The following NEBL variants were observed in gnomAD, a reference collection of about 807,000 sequenced individuals.
NEBL encodes nebulette.
A neutral mutation model predicts 140.2 loss-of-function variants in NEBL; 122 were observed. The ratio of observed to expected loss-of-function variants is 0.87; its 90% CI spans 0.75 to 1.01. The LOEUF is 1.01. NEBL is among the 50% of genes least tolerant of loss of function. The pLI, the probability that NEBL is intolerant of heterozygous loss-of-function variation, is 0.00. For missense variants in NEBL, 1,365 were observed against 1,231.3 expected (o/e 1.11, Z -1.62); for synonymous variants, 436 against 398.9 (o/e 1.09, Z -1.11).
chr10:21,137,530 A>G (rs1839409408), intron 2 of NEBL, among the ~76,000 whole-genome samples: 1 of 152,208 alleles, frequency 6.6e-6, no homozygotes, highest in South Asian at 2.1e-4. Context: ...CACTACGGCT[A>G]CTGCTGCCCC....
intron 7 of NEBL, among the ~76,000 whole-genome samples, chr10:20,864,590 C>T (rs1030550419): frequency 2.6e-5 from 4 of 152,124 alleles, no homozygotes; most frequent in African/African-American, 9.7e-5. Context: ...CTTGTCATTG[C>T]CTTCTCTGTT....
rs1032059829 is a variant in NEBL at position 20,888,212 on chromosome 10, G to GA, written c.259-6_259-5insT. On this transcript the variant is annotated splice_polypyrimidine_tract_variant and splice_region_variant and intron_variant, in intron 3 of 27. Coordinates refer to ENST00000377122, the MANE Select transcript of NEBL (RefSeq NM_006393.3). ...AATGGTGCCTTTGTATTTTGCCTGG[G>GA]GGAAAAAAAAACAGGAAAAAAATAA... 4.0e-6 allele frequency: 6 copies of GA among 1,518,556 alleles called. No individual in the cohort carries two copies. In the African/African-American group the frequency reaches 1.1e-4, roughly 27 times the overall value. 94.1% of individuals were successfully genotyped at this position (1,518,556 alleles called of 1,614,324 possible).
intron 10 of NEBL, 73 bp from the exon 11 acceptor site, chr10:20,850,575 A>G (rs1206052722): frequency 1.0e-6 from 1 of 989,976 alleles, no homozygotes; most frequent in Admixed American, 1.8e-5. Context: ...GAAAAAATAT[A>G]TGTTCTAAAC....
chr10:20,913,225 A>G (rs934728119), intron 4 of NEBL, among the ~76,000 whole-genome samples: 5 of 152,184 alleles, frequency 3.3e-5, no homozygotes, highest in African/African-American at 1.2e-4. Context: ...AGACAGCCAC[A>G]GGCAATTCCT....
chr10:21,251,797 C>T (rs572033215), exon 2 of NEBL, among the ~76,000 whole-genome samples: 64 of 152,228 alleles, frequency 4.2e-4, no homozygotes, highest in African/African-American at 1.5e-3. Flanking sequence ...AATCTGCCAG[C>T]GTCTTGATCT....
intron 3 of NEBL, among the ~76,000 whole-genome samples, chr10:20,976,337 T>TA (rs34974239): frequency 0.017 from 2,220 of 131,454 alleles, 40 homozygotes; most frequent in African/African-American, 0.047. Context: ...GACTCTATAT[T>TA]AAAAAAAAAA....
In NEBL at chr10:20,880,901, C is replaced by T. The variant is rs201197235; in HGVS notation, c.373G>A (p.Ala125Thr). Reference sequence around the variant, plus strand: ...GCAGCATCATGTTTCTGCTTGTAGGCCACCTGAAAAACACAAATAATTTTT... The same window carrying T: ...GCAGCATCATGTTTCTGCTTGTAGGTCACCTGAAAAACACAAATAATTTTT... The part of the protein sequence containing the change: ...GEVTQLQSEV[A>T]YKQKHDAAKG... Residue 125 changes from alanine (A) to threonine (T), a missense_variant, in exon 5 of 28, where the codon GCC (alanine) becomes ACC (threonine). Ala to Thr is a moderately conservative substitution (Grantham distance 58). Transcript: ENST00000377122. The T allele has an allele frequency of 7.3e-5, 118 of 1,613,488 alleles. 1 individual carries two copies. The highest frequency in any genetic ancestry group is 4.2e-6 in the Non-Finnish European group (5 of 1,179,534).
Position 20,897,272 on chromosome 10 carries a change from G to A in NEBL, c.-67C>T, listed in dbSNP as rs1317770747. On this transcript the variant is annotated 5_prime_UTR_variant, in exon 1 of 28. Transcript: ENST00000377122. ...GTGGCGTCCTTTTCCATACCACAGT[G>A]CCCTTGAGATGCTGACGTCTCTGGT... The A allele has an allele frequency of 1.3e-6, 2 of 1,520,202 alleles. No individual in the cohort carries two copies. The highest frequency in any genetic ancestry group is 2.1e-5 in the Admixed American group (1 of 47,332). 94.2% of individuals were successfully genotyped at this position (1,520,202 alleles called of 1,614,324 possible).
intron 1 of NEBL, among the ~76,000 whole-genome samples, chr10:21,288,070 C>T (rs1843083661): frequency 6.6e-6 from 1 of 152,102 alleles, no homozygotes; most frequent in African/African-American, 2.4e-5. Context: ...AGAGATAATG[C>T]ATATAAAGTG....
chr10:20,988,767 T>C (rs1378536316), intron 3 of NEBL, among the ~76,000 whole-genome samples: 1 of 152,206 alleles, frequency 6.6e-6, no homozygotes, highest in African/African-American at 2.4e-5. Flanking sequence ...CAGATGTTTG[T>C]CCCACCACAC....
intron 26 of NEBL, among the ~76,000 whole-genome samples, chr10:20,793,091 G>A (rs1338354593): frequency 6.6e-6 from 1 of 152,178 alleles, no homozygotes; most frequent in East Asian, 1.9e-4. Context: ...GGATACAGAA[G>A]CAAGCCAGAT....
intron 3 of NEBL, among the ~76,000 whole-genome samples, chr10:21,014,365 T>C (rs1444471516): frequency 1.3e-5 from 2 of 152,170 alleles, no homozygotes; most frequent in Non-Finnish European, 1.5e-5. Context: ...TCATCTGGTT[T>C]CACTCACTGC....
At chr10:20,929,641 AAT>A (rs1589028213) in intron 4 of NEBL, among the ~76,000 whole-genome samples, 1 of 152,108 alleles carries the variant, frequency 6.6e-6, no homozygotes, top group East Asian at 1.9e-4. Flanking sequence ...CGTTAAGTGA[AAT>A]AACTCAGGAA....
chr10:21,123,165 T>C (rs1037751106), intron 2 of NEBL, among the ~76,000 whole-genome samples: 2 of 152,198 alleles, frequency 1.3e-5, no homozygotes, highest in African/African-American at 4.8e-5. Context: ...AGGATGTCTA[T>C]ATAATAAATC....
chr10:21,100,029 G>A (rs191715716), intron 2 of NEBL, among the ~76,000 whole-genome samples: 2 of 151,964 alleles, frequency 1.3e-5, no homozygotes, highest in African/African-American at 4.8e-5. Flanking sequence ...TTAAAAACAC[G>A]CCCAATAACC....
rs142525399 is a variant in NEBL at position 20,799,782 on chromosome 10, T to C, written c.2761+8728A>G. On this transcript the variant is annotated intron_variant, in intron 26 of 27. Coordinates refer to ENST00000377122, the MANE Select transcript of NEBL (RefSeq NM_006393.3). ...CAAGTTTATTTTAAATGAAGATACA[T>C]AGTTCTAAATCAGGAGTGTATTTTC... 5.4e-3 allele frequency among the ~76,000 whole-genome samples: 826 copies of C among 152,296 alleles called. 19 individuals carry two copies. The highest frequency in any genetic ancestry group is 0.047 in the Admixed American group (724 of 15,302).
rs778128527 is a variant in NEBL, at chr10:20,808,523, C to A, written c.2748G>T (p.Pro916=). Residue 916 remains proline (P), a synonymous_variant, in exon 26 of 28, where the codon CCG becomes CCT. Coordinates refer to ENST00000377122, the MANE Select transcript of NEBL (RefSeq NM_006393.3). Reference sequence around the variant, plus strand: ...AATGTTTGATACCTCCTTCATCAGACGGTCTTGTTACCTCACTGCAGCATG... The same window carrying A: ...AATGTTTGATACCTCCTTCATCAGAAGGTCTTGTTACCTCACTGCAGCATG... The part of the protein sequence containing the change: ...SFSCCSEVTR[P]SDEGAPVLPG... The A allele has an allele frequency of 3.7e-6, 6 of 1,613,874 alleles. No homozygotes were observed. The East Asian group carries it at 1.3e-4, about 36-fold the overall frequency.
intron 11 of NEBL, among the ~76,000 whole-genome samples, chr10:20,848,520 G>A (rs564478005): frequency 6.6e-6 from 1 of 152,308 alleles, no homozygotes; most frequent in Admixed American, 6.5e-5. Context: ...CGGTAACAAA[G>A]CAGGAGGTGA....
At chr10:21,148,026 C>G (rs1415178133) in intron 2 of NEBL, among the ~76,000 whole-genome samples, 3 of 152,124 alleles carry the variant, frequency 2.0e-5, no homozygotes, top group African/African-American at 7.2e-5. Context: ...AAGAATTACT[C>G]AAATAAATAT....
Sources: gnomAD v4.1 joint callset for allele counts (sites outside exome capture counted in the v4.1 genomes callset) on GRCh38, gnomAD v4.1.1 for gene constraint, MANE v1.5 for transcripts, NCBI Gene and HGNC (gene_info 2026-07-23, HGNC 2026-07-21) for gene names.